The following ATRNL1 variants were observed in gnomAD, a reference collection of about 807,000 sequenced individuals.
The protein encoded by ATRNL1 is attractin-like protein 1.
A neutral mutation model predicts 182.7 loss-of-function variants in ATRNL1; 95 were observed. The observed-to-expected ratio is 0.52, with a 90% CI of 0.44 to 0.62. The LOEUF is 0.62. Among genes scored for constraint, ATRNL1 ranks in the 20% least tolerant of loss-of-function variants. The probability of loss-of-function intolerance (pLI) is 0.00; values close to 1 mark genes in which losing one functional copy is unlikely to be tolerated. For missense variants in ATRNL1, 1,471 were observed against 1,679.5 expected (o/e 0.88, Z 2.17); for synonymous variants, 576 against 568.3 (o/e 1.01, Z -0.19).
intron 9 of ATRNL1, among the ~76,000 whole-genome samples, chr10:115,217,206 A>G (rs1183159514): frequency 6.6e-6 from 1 of 152,320 alleles, no homozygotes; most frequent in African/African-American, 2.4e-5. Context: ...CTCCTGCCTC[A>G]GCATCCTGAG....
intron 24 of ATRNL1, among the ~76,000 whole-genome samples, chr10:115,474,917 C>G (rs996483823): frequency 6.6e-6 from 1 of 151,146 alleles, no homozygotes; most frequent in African/African-American, 2.4e-5. Flanking sequence ...GAATTTTAGC[C>G]CTGTCGCCAC....
At chr10:115,936,005 T>C (rs1555122757) in intron 28 of ATRNL1, among the ~76,000 whole-genome samples, 1 of 152,202 alleles carries the variant, frequency 6.6e-6, no homozygotes, top group Non-Finnish European at 1.5e-5. Flanking sequence ...ACTGATGATG[T>C]TGCTCTAAAT....
intron 26 of ATRNL1, among the ~76,000 whole-genome samples, chr10:115,713,554 T>G (rs1055327806): frequency 6.6e-6 from 1 of 151,902 alleles, no homozygotes; most frequent in African/African-American, 2.4e-5. Flanking sequence ...GTAAAGGAAC[T>G]AGTGTTGGCT....
intron 25 of ATRNL1, among the ~76,000 whole-genome samples, chr10:115,529,257 C>G (rs1189395728): frequency 6.6e-6 from 1 of 151,636 alleles, no homozygotes; most frequent in Non-Finnish European, 1.5e-5. Context: ...CCTATTGTTA[C>G]TTTTTGTCTT....
intron 10 of ATRNL1, among the ~76,000 whole-genome samples, chr10:115,253,207 T>C (rs1186511491): frequency 6.6e-6 from 1 of 152,176 alleles, no homozygotes; most frequent in Non-Finnish European, 1.5e-5. Context: ...AAGGGAGAAG[T>C]TGAGTTGTGA....
chr10:115,725,394 T>C (rs1555059638), intron 26 of ATRNL1, among the ~76,000 whole-genome samples: 2 of 152,182 alleles, frequency 1.3e-5, no homozygotes, highest in Non-Finnish European at 2.9e-5. Flanking sequence ...TATATTACAA[T>C]ATGTGATATT....
rs555179702 is a variant in ATRNL1, at chr10:115,400,175, A to T, written c.3269+5423A>T. On this transcript the variant is annotated intron_variant, in intron 20 of 28. Transcript: ENST00000355044. The stretch of plus-strand genomic sequence containing the variant: ...ATGTGGCCAAAACTCATATGAAAAA[A>T]GTTCTACATCACTGATCATTAGAGA... 1.9e-4 allele frequency among the ~76,000 whole-genome samples: 29 copies of T among 152,228 alleles called. No homozygotes were observed. The East Asian group carries it at 5.6e-3, about 29-fold the overall frequency.
chr10:115,329,176 T>G (rs542045266), intron 18 of ATRNL1, among the ~76,000 whole-genome samples: 7 of 152,198 alleles, frequency 4.6e-5, no homozygotes, highest in African/African-American at 1.7e-4. Flanking sequence ...AGCATGTTCT[T>G]TAATTTCTAT....
chr10:115,154,837 G>A (rs907286188), intron 5 of ATRNL1, among the ~76,000 whole-genome samples: 4 of 152,060 alleles, frequency 2.6e-5, no homozygotes, highest in Admixed American at 6.6e-5. Context: ...GCCAAGAAAC[G>A]GTGCCAGGGA....
chr10:115,214,829 C>T (rs1259004358), intron 8 of ATRNL1, among the ~76,000 whole-genome samples: 1 of 152,008 alleles, frequency 6.6e-6, no homozygotes, highest in African/African-American at 2.4e-5. Flanking sequence ...GGAAATGAAT[C>T]TATTGTAGAT....
At chr10:115,183,517 A>G (rs986635845) in intron 8 of ATRNL1, among the ~76,000 whole-genome samples, 1 of 151,640 alleles carries the variant, frequency 6.6e-6, no homozygotes, top group African/African-American at 2.4e-5. Context: ...GACAAGGGAG[A>G]AATAATATTG....
chr10:115,559,036 AC>A (rs1378894853), intron 26 of ATRNL1, among the ~76,000 whole-genome samples: 1 of 152,072 alleles, frequency 6.6e-6, no homozygotes, highest in African/African-American at 2.4e-5. Context: ...AATAACAGGG[AC>A]CCAGTCTCCC....
intron 28 of ATRNL1, among the ~76,000 whole-genome samples, chr10:115,866,035 G>T (rs1179161909): frequency 1.3e-5 from 2 of 152,034 alleles, no homozygotes; most frequent in Non-Finnish European, 2.9e-5. Context: ...AAATCAAAAA[G>T]TGTAGAACTC....
chr10:115,153,059 G>T (rs1554881100), intron 5 of ATRNL1, among the ~76,000 whole-genome samples: 2 of 152,170 alleles, frequency 1.3e-5, no homozygotes, highest in African/African-American at 4.8e-5. Flanking sequence ...GCATCTCAGG[G>T]ATGAAGCCCA....
chr10:115,222,481 A>G (rs1292273594), intron 9 of ATRNL1, among the ~76,000 whole-genome samples: 3 of 152,228 alleles, frequency 2.0e-5, no homozygotes, highest in Non-Finnish European at 4.4e-5. Context: ...ACCAAGGGGC[A>G]TAAGTACAAA....
chr10:115,707,518 C>A (rs1946938523), intron 26 of ATRNL1, among the ~76,000 whole-genome samples: 1 of 151,552 alleles, frequency 6.6e-6, no homozygotes, highest in African/African-American at 2.4e-5. Flanking sequence ...CTCCCCGTAT[C>A]CCCCAAGCCA....
At chr10:115,837,836 C>A (rs1164654843) in intron 27 of ATRNL1, among the ~76,000 whole-genome samples, 2 of 152,098 alleles carry the variant, frequency 1.3e-5, no homozygotes, top group Non-Finnish European at 2.9e-5. Context: ...TATTTACTTG[C>A]CATCAATCAC....
At chr10:115,309,726 C>G (rs556378330) in intron 17 of ATRNL1, among the ~76,000 whole-genome samples, 9 of 151,936 alleles carry the variant, frequency 5.9e-5, no homozygotes, top group African/African-American at 1.7e-4. Context: ...TTAGGGTTTT[C>G]TAGGTATACA....
intron 26 of ATRNL1, among the ~76,000 whole-genome samples, chr10:115,621,799 A>C (rs782150903): frequency 6.6e-6 from 1 of 152,350 alleles, no homozygotes; most frequent in East Asian, 1.9e-4. Flanking sequence ...TTTAAAGTGT[A>C]TACTTACCAG....
Sources: allele counts gnomAD v4.1 joint callset (sites outside exome capture counted in the v4.1 genomes callset), GRCh38; gene constraint gnomAD v4.1.1; transcripts MANE v1.5; gene names NCBI Gene and HGNC (gene_info 2026-07-23, HGNC 2026-07-21).